Variants in PTPN13 observed in about 807,000 individuals in gnomAD.
PTPN13 encodes the protein tyrosine-protein phosphatase non-receptor type 13.
A neutral mutation model predicts 284.0 loss-of-function variants in PTPN13; 191 were observed. The ratio of observed to expected loss-of-function variants is 0.67; its 90% CI spans 0.60 to 0.76. The LOEUF (loss-of-function observed/expected upper bound fraction) is 0.76. Ranked by LOEUF, PTPN13 falls within the 30% of genes least tolerant of loss-of-function variation. The pLI is 0.00. For missense variants in PTPN13, 2,797 were observed against 2,939.9 expected, an observed-to-expected ratio of 0.95 and a Z score of 1.12; for synonymous variants, 986 against 1,022.3, an observed-to-expected ratio of 0.96 and a Z score of 0.68.
intron 1 of PTPN13, among the ~76,000 whole-genome samples, chr4:86,625,341 A>ACC (rs979417481): frequency 7.9e-5 from 12 of 151,292 alleles, no homozygotes; most frequent in African/African-American, 2.9e-4. Flanking sequence ...CTTAACTATA[A>ACC]CCCCCTTATA....
At chr4:86,630,329 C>A (rs145847399) in intron 1 of PTPN13, among the ~76,000 whole-genome samples, 1 of 152,110 alleles carries the variant, frequency 6.6e-6, no homozygotes, top group Non-Finnish European at 1.5e-5. Context: ...GTATAGCAAG[C>A]CTTTAAGGGT....
chr4:86,704,399 T>C (rs1448035929), intron 7 of PTPN13, among the ~76,000 whole-genome samples: 1 of 152,216 alleles, frequency 6.6e-6, no homozygotes, highest in African/African-American at 2.4e-5. Context: ...TAATAGTCTA[T>C]TTAATATATT....
At chr4:86,743,632 T>A (rs539781046) in intron 16 of PTPN13, among the ~76,000 whole-genome samples, 1 of 152,180 alleles carries the variant, frequency 6.6e-6, no homozygotes. Flanking sequence ...GGAGCTTTCA[T>A]TGGCAACAAT....
At chr4:86,810,898 C>T in intron 46 of PTPN13, 148 bp from the exon 47 acceptor site, 1 of 537,548 alleles carries the variant, frequency 1.9e-6, no homozygotes, top group Non-Finnish European at 3.1e-6. Context: ...TTCGCCAAGT[C>T]ATTTTGTCCA....
intron 6 of PTPN13, among the ~76,000 whole-genome samples, chr4:86,695,045 G>A (rs1730459636): frequency 6.6e-6 from 1 of 152,136 alleles, no homozygotes. Flanking sequence ...ATATCTGAGA[G>A]GAAGGAATGT....
intron 5 of PTPN13, among the ~76,000 whole-genome samples, chr4:86,692,723 TA>T (rs1226773299): frequency 1.1e-4 from 17 of 152,176 alleles, no homozygotes; most frequent in Admixed American, 7.9e-4. Flanking sequence ...CATTTTGTTT[TA>T]AAGGGAACTT....
chr4:86,650,684 T>G lies in PTPN13; in HGVS notation c.115+15313T>G, dbSNP rs577083068. 9.2e-5 allele frequency among the ~76,000 whole-genome samples: 14 copies of G among 152,352 alleles called. 1 individual carries two copies. The highest frequency in any genetic ancestry group is 6.5e-4 in the Admixed American group (10 of 15,302). On this transcript the variant is annotated intron_variant, in intron 2 of 47. Coordinates refer to ENST00000411767, the MANE Select transcript of PTPN13 (RefSeq NM_080683.3). ...GGTATTTTATTTTATTTGTAGCACT[T>G]GTAAATGGAATTACTTTCTTAATTT...
At chr4:86,699,692 A>G (rs1250724227) in intron 6 of PTPN13, among the ~76,000 whole-genome samples, 1 of 152,208 alleles carries the variant, frequency 6.6e-6, no homozygotes, top group Non-Finnish European at 1.5e-5. Flanking sequence ...TCAAGGTAGC[A>G]GGATAAGGCA....
At position 86,775,170 on chromosome 4, in the gene PTPN13, G is replaced by T; in HGVS notation, c.5509-1G>T. 6.3e-7 allele frequency: 1 copy of T among 1,576,558 alleles called. No individual in the cohort carries two copies. On this transcript the variant is annotated splice_acceptor_variant, in intron 33 of 47. Coordinates refer to ENST00000411767, the MANE Select transcript of PTPN13 (RefSeq NM_080683.3). LOFTEE classifies it high-confidence loss of function. ...CACATGCCCCTTTCTTGTTTTTGTA[G>T]GTTAATGATACAGATGTTACTAATA...
intron 16 of PTPN13, 37 bp downstream of exon 16, chr4:86,741,853 A>G (rs1736204116): frequency 6.6e-7 from 1 of 1,514,220 alleles, no homozygotes; most frequent in South Asian, 1.3e-5. Context: ...ATATTTTCAA[A>G]TGATATTACC....
At chr4:86,677,044 G>C (rs1472208396) in intron 3 of PTPN13, among the ~76,000 whole-genome samples, 1 of 152,070 alleles carries the variant, frequency 6.6e-6, no homozygotes, top group Non-Finnish European at 1.5e-5. Flanking sequence ...GAAGCGGGCA[G>C]ATCACGAGGT....
chr4:86,762,886 G>A lies in PTPN13; in HGVS notation c.3713G>A (p.Gly1238Asp). 1 of 1,613,826 alleles carries A rather than the reference G, an allele frequency of 6.2e-7. No individual in the cohort carries two copies. The highest frequency in any genetic ancestry group is 8.5e-7 in the Non-Finnish European group (1 of 1,179,830). Residue 1238 changes from glycine (G) to aspartate (D), a missense_variant, in exon 24 of 48, where the codon GGC (glycine) becomes GAC (aspartate). By Grantham distance (94) the Gly-to-Asp change is moderately conservative. Coordinates refer to ENST00000411767, the MANE Select transcript of PTPN13 (RefSeq NM_080683.3). Reference protein sequence around the residue: ...ISENSFGPSGGLREGSLSSQD... With the variant: ...ISENSFGPSGDLREGSLSSQD... ...GAGAACTCCTTTGGGCCATCTGGGG[G>A]CCTGCGGGAAGGAAGCCTGAGTTCT...
intron 2 of PTPN13, among the ~76,000 whole-genome samples, chr4:86,639,275 C>A (rs1046994658): frequency 1.2e-4 from 19 of 152,038 alleles, no homozygotes; most frequent in African/African-American, 4.1e-4. Flanking sequence ...GTGGCGATTC[C>A]TCAGGGATCT....
At chr4:86,728,987 TC>T (rs1734641818) in intron 10 of PTPN13, among the ~76,000 whole-genome samples, 1 of 149,004 alleles carries the variant, frequency 6.7e-6, no homozygotes, top group African/African-American at 2.4e-5. Context: ...TACTGGTTGT[TC>T]CTATCCATGT....
chr4:86,726,008 A>C (rs1734209033), intron 10 of PTPN13, among the ~76,000 whole-genome samples: 1 of 149,648 alleles, frequency 6.7e-6, no homozygotes, highest in Non-Finnish European at 1.5e-5. Flanking sequence ...AGGTGGAAGG[A>C]AGGGATCCAG....
At chr4:86,595,671 C>A in intron 1 of PTPN13, 2 of 827,062 alleles carry the variant, frequency 2.4e-6, no homozygotes, top group Non-Finnish European at 2.9e-6. Flanking sequence ...GCGGTGACTT[C>A]ATAGGGAGCT....
At position 86,724,766 on chromosome 4, in the gene PTPN13, A is replaced by G. The variant is rs534072469; in HGVS notation, c.1608+2332A>G. On this transcript the variant is annotated intron_variant, in intron 10 of 47. Transcript: ENST00000411767. ...CTTAACTTCTTCATACCCTGTTTCC[A>G]TAGTTGATCTTTATTATATTCTGTG... Among the ~76,000 whole-genome samples the G allele has an allele frequency of 4.0e-5, 6 of 151,708 alleles. No individual in the cohort carries two copies. In the South Asian group the frequency reaches 1.0e-3, roughly 26 times the overall value.
At chr4:86,772,064 G>GT (rs1044058476) in intron 31 of PTPN13, among the ~76,000 whole-genome samples, 1 of 152,176 alleles carries the variant, frequency 6.6e-6, no homozygotes, top group South Asian at 2.1e-4. Context: ...ATTTATTCAA[G>GT]TTTTTTTCCT....
chr4:86,734,727 G>GT lies in PTPN13; in HGVS notation c.2013-4dup. 6.2e-7 allele frequency: 1 copy of GT among 1,602,896 alleles called. No individual in the cohort carries two copies. The highest frequency in any genetic ancestry group is 1.1e-5 in the South Asian group (1 of 89,744). Reference sequence around the variant, plus strand: ...AAGGCCAAGATGTCTGTGTGTGTTTGTTTTTTCAGACATACTCTGACGTGT... The same window carrying GT: ...AAGGCCAAGATGTCTGTGTGTGTTTGTTTTTTTCAGACATACTCTGACGTGT... On this transcript the variant is annotated splice_polypyrimidine_tract_variant and intron_variant, in intron 13 of 47. Transcript: ENST00000411767.
Sources: gnomAD v4.1 joint callset for allele counts (sites outside exome capture counted in the v4.1 genomes callset) on GRCh38, gnomAD v4.1.1 for gene constraint, MANE v1.5 for transcripts, NCBI Gene and HGNC (gene_info 2026-07-23, HGNC 2026-07-21) for gene names.